CDC42SE2: variants seen among roughly 807,000 people sequenced by gnomAD.
CDC42SE2 encodes the protein CDC42 small effector 2.
A neutral mutation model predicts 11.5 loss-of-function variants in CDC42SE2; 3 were observed. The ratio of observed to expected loss-of-function variants is 0.26; its 90% confidence interval spans 0.12 to 0.67. The LOEUF is 0.67. CDC42SE2 is among the 30% of genes least tolerant of loss of function. The pLI, the probability that CDC42SE2 is intolerant of heterozygous loss-of-function variation, is 0.80. For synonymous variants in CDC42SE2, 33 were observed against 34.8 expected (o/e 0.95, Z 0.18); for missense variants, 82 against 106.8 (o/e 0.77, Z 1.02).
At chr5:131,297,038 A>G (rs1431522713) in intron 1 of CDC42SE2, among the ~76,000 whole-genome samples, 1 of 152,156 alleles carries the variant, frequency 6.6e-6, no homozygotes, top group Non-Finnish European at 1.5e-5. Flanking sequence ...GTTGTAAAAT[A>G]AAAGTATGGA....
the CDC42SE2 span, among the ~76,000 whole-genome samples, chr5:131,212,264 C>T: frequency 1.3e-5 from 2 of 151,946 alleles, no homozygotes; most frequent in Admixed American, 6.6e-5. Flanking sequence ...CCTGCCACCA[C>T]GCCCAGCTAA....
At chr5:131,374,678 G>A (rs970094917) in intron 3 of CDC42SE2, among the ~76,000 whole-genome samples, 1 of 151,742 alleles carries the variant, frequency 6.6e-6, no homozygotes, top group Non-Finnish European at 1.5e-5. Flanking sequence ...TGGCTCAATT[G>A]TAAACACTCT....
intron 3 of CDC42SE2, among the ~76,000 whole-genome samples, chr5:131,378,609 A>G (rs375242616): frequency 6.6e-6 from 1 of 152,154 alleles, no homozygotes; most frequent in South Asian, 2.1e-4. Flanking sequence ...GGTACAAACA[A>G]CTTAGTAAAG....
intron 2 of CDC42SE2, among the ~76,000 whole-genome samples, chr5:131,355,763 T>G (rs1317584853): frequency 1.3e-5 from 2 of 152,198 alleles, no homozygotes; most frequent in African/African-American, 4.8e-5. Context: ...CAAAACATTA[T>G]TATTTTTCTT....
chr5:131,347,871 T>G (rs1478467046), intron 2 of CDC42SE2, among the ~76,000 whole-genome samples: 6 of 152,026 alleles, frequency 3.9e-5, no homozygotes, highest in Admixed American at 3.9e-4. Context: ...ACGTAATCCA[T>G]CATATAAACA....
chr5:131,299,141 G>T (rs1300663824), intron 1 of CDC42SE2, among the ~76,000 whole-genome samples: 1 of 152,202 alleles, frequency 6.6e-6, no homozygotes, highest in African/African-American at 2.4e-5. Context: ...GAAGAGAAAT[G>T]TGGGGACCAA....
rs768871620 is a variant in CDC42SE2 at position 131,390,983 on chromosome 5, CTTGT to C, written c.157-7_157-4del. 6.3e-7 allele frequency: 1 copy of C among 1,595,022 alleles called. No homozygotes were observed. The highest frequency in any genetic ancestry group is 1.1e-5 in the South Asian group (1 of 90,382). On this transcript the variant is annotated splice_region_variant and splice_polypyrimidine_tract_variant and intron_variant, in intron 4 of 4. Transcript: ENST00000505065. ...CCATTTTGTTTTGTTGTATTTTTGT[CTTGT>C]TTTAGGTTAGCTCCATTCAGAACCA... is the stretch of plus-strand genomic sequence containing the variant.
At chr5:131,232,734 C>CAA in the CDC42SE2 span, among the ~76,000 whole-genome samples, 305 of 41,594 alleles carry the variant, frequency 7.3e-3, 3 homozygotes, top group African/African-American at 0.023. Context: ...GACTCGGTCT[C>CAA]AAAAAAAAAA....
intron 1 of CDC42SE2, among the ~76,000 whole-genome samples, chr5:131,291,045 G>A (rs1375841444): frequency 1.3e-5 from 2 of 152,136 alleles, no homozygotes; most frequent in Non-Finnish European, 2.9e-5. Flanking sequence ...TTCACAAGAA[G>A]CCTTATAGAG....
intron 2 of CDC42SE2, among the ~76,000 whole-genome samples, chr5:131,317,521 G>A (rs550962992): frequency 2.0e-5 from 3 of 152,072 alleles, no homozygotes; most frequent in African/African-American, 7.2e-5. Context: ...GTGTGTTTTG[G>A]GGGAGGTGGA....
chr5:131,263,099 A>AT (rs370938077), upstream of CDC42SE2, among the ~76,000 whole-genome samples: 7,394 of 137,722 alleles, frequency 0.054, 386 homozygotes, highest in African/African-American at 0.14. Context: ...CACCAGGGTA[A>AT]TTTTTTTTTT....
intron 2 of CDC42SE2, among the ~76,000 whole-genome samples, chr5:131,326,948 T>A (rs1758312856): frequency 6.6e-6 from 1 of 152,192 alleles, no homozygotes; most frequent in Admixed American, 6.6e-5. Flanking sequence ...AGCTTTGTTG[T>A]GGTTCATATT....
At chr5:131,329,794 G>C (rs1758377536) in intron 2 of CDC42SE2, among the ~76,000 whole-genome samples, 3 of 145,742 alleles carry the variant, frequency 2.1e-5, no homozygotes, top group African/African-American at 7.5e-5. Flanking sequence ...CAGGAGAATT[G>C]CTTGAACTCG....
chr5:131,267,426 A>G (rs6596008), intron 1 of CDC42SE2, among the ~76,000 whole-genome samples: 85,051 of 151,884 alleles, frequency 0.56, 28,292 homozygotes, highest in Non-Finnish European at 0.76. Flanking sequence ...GGAGTAGTTC[A>G]TAATGTTTTG....
intron 3 of CDC42SE2, among the ~76,000 whole-genome samples, chr5:131,366,472 A>G (rs1749860532): frequency 6.6e-6 from 1 of 152,218 alleles, no homozygotes; most frequent in Admixed American, 6.5e-5. Flanking sequence ...ATAAGTTTGT[A>G]AATGTCAGAG....
At chr5:131,316,744 A>C (rs1381376259) in intron 2 of CDC42SE2, among the ~76,000 whole-genome samples, 1 of 152,162 alleles carries the variant, frequency 6.6e-6, no homozygotes, top group African/African-American at 2.4e-5. Flanking sequence ...GAACCAAGGG[A>C]ACTGGAGAAA....
chr5:131,334,775 G>A (rs1758512835), intron 2 of CDC42SE2, among the ~76,000 whole-genome samples: 1 of 152,174 alleles, frequency 6.6e-6, no homozygotes, highest in African/African-American at 2.4e-5. Flanking sequence ...AGTATTCTCT[G>A]ATGGTAGTTT....
chr5:131,297,503 A>C (rs1757593590), intron 1 of CDC42SE2, among the ~76,000 whole-genome samples: 1 of 152,014 alleles, frequency 6.6e-6, no homozygotes, highest in African/African-American at 2.4e-5. Flanking sequence ...GTGGATCACG[A>C]GGTCAGGAGA....
chr5:131,214,433 T>C, the CDC42SE2 span, among the ~76,000 whole-genome samples: 1 of 152,158 alleles, frequency 6.6e-6, no homozygotes, highest in Admixed American at 6.5e-5. Flanking sequence ...ATTTTGTTTG[T>C]GAGGGAGGAG....
Sources: allele counts gnomAD v4.1 joint callset (sites outside exome capture counted in the v4.1 genomes callset), GRCh38; gene constraint gnomAD v4.1.1; transcripts MANE v1.5; gene names NCBI Gene and HGNC (gene_info 2026-07-23, HGNC 2026-07-21).